The following TPRG1 variants were observed in gnomAD, a reference collection of about 807,000 sequenced individuals.
TPRG1 encodes the protein tumor protein p63 regulated 1.
In TPRG1, 29 loss-of-function variants were observed where a neutral mutation model predicts 29.3. The observed-to-expected ratio is 0.99, with a 90% confidence interval of 0.74 to 1.35. The LOEUF is 1.35. Ranked by LOEUF, TPRG1 falls within the 40% of genes most tolerant of loss-of-function variation. TPRG1 has a pLI of 0.00. For missense variants in TPRG1, 327 were observed against 335.0 expected (o/e 0.98, Z 0.19); for synonymous variants, 130 against 116.8 (o/e 1.11, Z -0.73).
Position 189,252,334 on chromosome 3 carries a change from C to T in TPRG1, c.479+13425C>T, listed in dbSNP as rs546863879. Among the ~76,000 whole-genome samples the T allele has an allele frequency of 5.3e-5, 8 of 152,196 alleles. No individual in the cohort carries two copies. The South Asian group carries it at 1.5e-3, about 28-fold the overall frequency. On this transcript the variant is annotated intron_variant, in intron 4 of 5. Coordinates refer to ENST00000345063, the MANE Select transcript of TPRG1 (RefSeq NM_198485.4). The stretch of plus-strand genomic sequence containing the variant: ...GCAATCTGATCTCTCTTTCTTTTCC[C>T]CACACTCTTTGGATCAGAGCATTCA...
At chr3:189,153,738 G>C (rs1040233353) in intron 5 of TPRG1, among the ~76,000 whole-genome samples, 1 of 152,210 alleles carries the variant, frequency 6.6e-6, no homozygotes, top group Non-Finnish European at 1.5e-5. Context: ...ACCTCAGAGA[G>C]CTTGTTGCAG....
At chr3:189,190,930 C>T in intron 1 of TPRG1, 2 of 984,730 alleles carry the variant, frequency 2.0e-6, no homozygotes, top group Non-Finnish European at 2.4e-6. Context: ...TATCCCTTTG[C>T]AATGAGCCGG....
chr3:189,193,132 ATT>A (rs555964454), intron 1 of TPRG1, among the ~76,000 whole-genome samples: 8,772 of 90,010 alleles, frequency 0.097, 211 homozygotes, highest in Middle Eastern at 0.21. Flanking sequence ...TTGACTTTTA[ATT>A]TTTTTTTTTT....
chr3:189,015,864 G>T (rs1158307312), intron 3 of TPRG1, among the ~76,000 whole-genome samples: 1 of 152,198 alleles, frequency 6.6e-6, no homozygotes, highest in Non-Finnish European at 1.5e-5. Context: ...GGATGTCTAG[G>T]CAGAAGTTTA....
At chr3:189,002,781 T>C (rs917283111) in intron 2 of TPRG1, among the ~76,000 whole-genome samples, 1 of 152,180 alleles carries the variant, frequency 6.6e-6, no homozygotes, top group Non-Finnish European at 1.5e-5. Context: ...TGGACATTAG[T>C]AGGAGCTTGC....
chr3:189,181,801 A>G (rs565890734), intron 1 of TPRG1, among the ~76,000 whole-genome samples: 1 of 152,254 alleles, frequency 6.6e-6, no homozygotes, highest in East Asian at 1.9e-4. Flanking sequence ...CTACTCTACT[A>G]GTACCAATTT....
chr3:189,011,629 G>A (rs1338382847), intron 3 of TPRG1, among the ~76,000 whole-genome samples: 2 of 152,144 alleles, frequency 1.3e-5, no homozygotes, highest in African/African-American at 2.4e-5. Flanking sequence ...ACTATCATGA[G>A]AAGAGCATGG....
chr3:189,129,600 C>T (rs1023068879), intron 2 of TPRG1, among the ~76,000 whole-genome samples: 1 of 152,122 alleles, frequency 6.6e-6, no homozygotes, highest in Non-Finnish European at 1.5e-5. Context: ...GTGGATCTTG[C>T]TTGTTGCCAT....
chr3:188,997,487 T>C (rs1248581964), intron 1 of TPRG1, among the ~76,000 whole-genome samples: 1 of 152,166 alleles, frequency 6.6e-6, no homozygotes. Flanking sequence ...TCTTATGAAG[T>C]ACAGTGTAAC....
At chr3:189,070,269 A>G (rs140922858) in intron 4 of TPRG1, among the ~76,000 whole-genome samples, 6 of 152,268 alleles carry the variant, frequency 3.9e-5, no homozygotes, top group East Asian at 1.9e-4. Context: ...TGAAAGAGGT[A>G]TAGGCAGGAG....
rs768984127 is a variant in TPRG1, at chr3:189,226,808, AAAAAG to A, written c.302+11430_302+11434del. The stretch of plus-strand genomic sequence containing the variant: ...TCTAGCAAGGCTGACAAAAAAAAAA[AAAAAG>A]AAAAAGAAAAAAGAGGAGACACAAG... On this transcript the variant is annotated intron_variant, in intron 3 of 5. Transcript: ENST00000345063. Among the ~76,000 whole-genome samples the A allele has an allele frequency of 7.4e-3, 1,112 of 151,234 alleles. 6 individuals carry two copies. The highest frequency in any genetic ancestry group is 0.013 in the Non-Finnish European group (859 of 67,690).
At chr3:189,169,106 G>A (rs573927380), upstream of TPRG1, among the ~76,000 whole-genome samples, 4 of 152,156 alleles carry the variant, frequency 2.6e-5, no homozygotes, top group African/African-American at 7.2e-5. Context: ...AACAACATAC[G>A]TTATTTCTCA....
intron 1 of TPRG1, among the ~76,000 whole-genome samples, chr3:189,116,223 G>A (rs1426437783): frequency 6.6e-6 from 1 of 152,098 alleles, no homozygotes; most frequent in Non-Finnish European, 1.5e-5. Flanking sequence ...TGTCACCCAG[G>A]CTGGTGTGCA....
intron 4 of TPRG1, among the ~76,000 whole-genome samples, chr3:189,037,448 T>C (rs1423814090): frequency 6.6e-6 from 1 of 151,946 alleles, no homozygotes; most frequent in Non-Finnish European, 1.5e-5. Flanking sequence ...CTGTTTATAA[T>C]ACAACTTTTC....
chr3:189,126,333 G>T (rs553776411), intron 1 of TPRG1, among the ~76,000 whole-genome samples: 1 of 152,098 alleles, frequency 6.6e-6, no homozygotes, highest in Non-Finnish European at 1.5e-5. Context: ...GAACTTGAAG[G>T]TTATTTCTTC....
intron 4 of TPRG1, among the ~76,000 whole-genome samples, chr3:189,281,648 T>G (rs1717149824): frequency 6.6e-6 from 1 of 152,142 alleles, no homozygotes; most frequent in South Asian, 2.1e-4. Flanking sequence ...TAAGAAGTAT[T>G]TTTTTCATCT....
At chr3:189,053,708 C>A (rs1051732669) in intron 4 of TPRG1, among the ~76,000 whole-genome samples, 5 of 152,190 alleles carry the variant, frequency 3.3e-5, no homozygotes, top group African/African-American at 1.2e-4. Flanking sequence ...AAAGCCAATA[C>A]TCATTGTCTC....
chr3:189,069,929 T>G (rs187099571), intron 4 of TPRG1, among the ~76,000 whole-genome samples: 1 of 152,040 alleles, frequency 6.6e-6, no homozygotes, highest in East Asian at 1.9e-4. Flanking sequence ...AACACAAAAA[T>G]TAGCTGGATG....
rs899157714 is a variant in TPRG1, at chr3:189,321,689, C to T, written c.*869C>T. On this transcript the variant is annotated 3_prime_UTR_variant, in exon 6 of 6. Transcript: ENST00000345063. ...AATCTATCCTACACTTGGTTTCTAG[C>T]TCATTTACTTATACCATCTTTTGTT... 3 of 152,120 alleles carry T rather than the reference C, an allele frequency of 2.0e-5. No individual in the cohort carries two copies. The highest frequency in any genetic ancestry group is 4.4e-5 in the Non-Finnish European group (3 of 68,002). 9.4% of individuals were successfully genotyped at this position (152,120 alleles called of 1,614,324 possible).
Sources: allele counts gnomAD v4.1 joint callset (sites outside exome capture counted in the v4.1 genomes callset), GRCh38; gene constraint gnomAD v4.1.1; transcripts MANE v1.5; gene names NCBI Gene and HGNC (gene_info 2026-07-23, HGNC 2026-07-21).